Variants in MACROD2 observed in about 807,000 individuals in gnomAD.
MACROD2 encodes the protein mono-ADP ribosylhydrolase 2.
Under a neutral mutation model 70.4 loss-of-function variants are expected in MACROD2, and 36 were observed. The ratio of observed to expected loss-of-function variants is 0.51; its 90% CI spans 0.39 to 0.68. The LOEUF is 0.68. Ranked by LOEUF, MACROD2 falls within the 30% of genes least tolerant of loss-of-function variation. MACROD2 has a pLI of 0.00. For synonymous variants in MACROD2, 172 were observed against 178.8 expected (o/e 0.96, Z 0.30); for missense variants, 496 against 538.4 (o/e 0.92, Z 0.78).
intron 8 of MACROD2, among the ~76,000 whole-genome samples, chr20:15,757,372 A>AT (rs201520283): frequency 0.15 from 22,287 of 149,604 alleles, 2,108 homozygotes; most frequent in East Asian, 0.4. Flanking sequence ...TAGTAGGGCA[A>AT]TTTTTTTTTT....
chr20:16,020,549 A>G (rs911618757), intron 15 of MACROD2, among the ~76,000 whole-genome samples: 4 of 151,044 alleles, frequency 2.6e-5, no homozygotes, highest in East Asian at 1.9e-4. Context: ...AGCTTGGCAC[A>G]TGGTAGATGC....
intron 4 of MACROD2, among the ~76,000 whole-genome samples, chr20:14,558,094 A>G (rs1979169091): frequency 6.6e-6 from 1 of 151,806 alleles, no homozygotes; most frequent in Non-Finnish European, 1.5e-5. Flanking sequence ...CGCTGAATGA[A>G]AAAAAAGCTA....
chr20:14,615,043 T>A (rs1983395146), intron 4 of MACROD2, among the ~76,000 whole-genome samples: 1 of 152,034 alleles, frequency 6.6e-6, no homozygotes, highest in Non-Finnish European at 1.5e-5. Context: ...TATGAAATAA[T>A]TGGACAGGGA....
At position 14,727,547 on chromosome 20, in the gene MACROD2, G is replaced by A. The variant is rs180876879; in HGVS notation, c.418+42588G>A. Among the ~76,000 whole-genome samples, 4 of 152,006 alleles carry A rather than the reference G, an allele frequency of 2.6e-5. No homozygotes were observed. In the East Asian group the frequency reaches 5.8e-4, roughly 22 times the overall value. On this transcript the variant is annotated intron_variant, in intron 5 of 17. Transcript: ENST00000684519. ...GAGACCCTGTCTCAAAACAGAAAGA[G>A]AGAGAGAGAGAGAGAAGAAACAAAG... is the stretch of plus-strand genomic sequence containing the variant.
At chr20:14,750,934 G>A (rs941481046) in intron 5 of MACROD2, among the ~76,000 whole-genome samples, 2 of 151,666 alleles carry the variant, frequency 1.3e-5, no homozygotes, top group African/African-American at 4.9e-5. Flanking sequence ...TAATTTTTTA[G>A]CATTCTATAC....
chr20:14,681,778 G>A (rs16994801), intron 4 of MACROD2, among the ~76,000 whole-genome samples: 30,810 of 152,114 alleles, frequency 0.2, 3,405 homozygotes, highest in Non-Finnish European at 0.24. Context: ...GAATTTAAAA[G>A]TAATGTAATA....
At chr20:15,587,429 C>A (rs964877117) in intron 8 of MACROD2, among the ~76,000 whole-genome samples, 2 of 152,124 alleles carry the variant, frequency 1.3e-5, no homozygotes, top group Non-Finnish European at 2.9e-5. Flanking sequence ...CATGTCCTCA[C>A]GTTTCAAAAC....
At chr20:14,149,900 T>C (rs530952487) in intron 3 of MACROD2, among the ~76,000 whole-genome samples, 1 of 152,274 alleles carries the variant, frequency 6.6e-6, no homozygotes, top group East Asian at 1.9e-4. Flanking sequence ...GTATTTTTTT[T>C]CCCAGACAAA....
chr20:14,347,717 G>A (rs976091401), intron 3 of MACROD2, among the ~76,000 whole-genome samples: 3 of 152,054 alleles, frequency 2.0e-5, no homozygotes, highest in Non-Finnish European at 1.5e-5. Flanking sequence ...GCTAAGAAAG[G>A]GTCCCCTCTA....
intron 2 of MACROD2, among the ~76,000 whole-genome samples, chr20:14,008,648 C>A (rs2052855340): frequency 6.6e-6 from 1 of 152,082 alleles, no homozygotes; most frequent in Admixed American, 6.6e-5. Context: ...CAAAAAAGAG[C>A]CCAAATAGCC....
At chr20:15,714,424 A>C (rs547653443) in intron 8 of MACROD2, among the ~76,000 whole-genome samples, 1 of 152,332 alleles carries the variant, frequency 6.6e-6, no homozygotes, top group South Asian at 2.1e-4. Flanking sequence ...TTTGAAGTAG[A>C]GATTTGAAGA....
At chr20:15,028,208 A>G (rs973030223) in intron 5 of MACROD2, among the ~76,000 whole-genome samples, 3 of 152,174 alleles carry the variant, frequency 2.0e-5, no homozygotes, top group Admixed American at 6.5e-5. Flanking sequence ...GGCCATTTCG[A>G]TAGAGAATTC....
chr20:14,947,871 G>A (rs981668521), intron 5 of MACROD2, among the ~76,000 whole-genome samples: 14 of 152,162 alleles, frequency 9.2e-5, no homozygotes, highest in African/African-American at 3.4e-4. Context: ...CTACAGCCAC[G>A]ATCCTGGTAG....
chr20:15,137,273 G>A (rs566394579), intron 5 of MACROD2, among the ~76,000 whole-genome samples: 120 of 151,724 alleles, frequency 7.9e-4, no homozygotes, highest in South Asian at 1.5e-3. Context: ...TGTTTATTGC[G>A]GCACTATTCA....
chr20:14,070,940 C>A (rs1316659794), intron 2 of MACROD2, among the ~76,000 whole-genome samples: 2 of 152,080 alleles, frequency 1.3e-5, no homozygotes. Context: ...CTGGCTAAAT[C>A]TTCAAAGCTT....
intron 3 of MACROD2, among the ~76,000 whole-genome samples, chr20:14,364,083 T>G (rs2083250407): frequency 6.6e-6 from 1 of 152,098 alleles, no homozygotes. Context: ...TAAAAGGTGG[T>G]TTTCTACTTT....
At chr20:14,776,271 C>T (rs1406546551) in intron 5 of MACROD2, among the ~76,000 whole-genome samples, 5 of 151,928 alleles carry the variant, frequency 3.3e-5, no homozygotes, top group Non-Finnish European at 7.4e-5. Flanking sequence ...CCTCAGATAA[C>T]CAGTAAAAAT....
At chr20:15,988,868 A>G (rs2066520668) in intron 15 of MACROD2, among the ~76,000 whole-genome samples, 1 of 152,160 alleles carries the variant, frequency 6.6e-6, no homozygotes, top group Non-Finnish European at 1.5e-5. Context: ...AAATAATTTT[A>G]AGTGCATCAC....
chr20:16,013,758 G>A (rs2147532984), intron 15 of MACROD2, among the ~76,000 whole-genome samples: 1 of 152,340 alleles, frequency 6.6e-6, no homozygotes, highest in Middle Eastern at 3.4e-3. Flanking sequence ...AATACACAGA[G>A]TGACATTGCA....
Sources: allele counts gnomAD v4.1 joint callset (sites outside exome capture counted in the v4.1 genomes callset), GRCh38; gene constraint gnomAD v4.1.1; transcripts MANE v1.5; gene names NCBI Gene and HGNC (gene_info 2026-07-23, HGNC 2026-07-21).